CARD9: variants seen among roughly 807,000 people sequenced by gnomAD.
CARD9 encodes the protein caspase recruitment domain family member 9, also known as caspase recruitment domain-containing protein 9.
A neutral mutation model predicts 66.0 loss-of-function variants in CARD9; 53 were observed. That is an observed-to-expected ratio of 0.80 (90% CI 0.64 to 1.01). The LOEUF (loss-of-function observed/expected upper bound fraction) is 1.01. Among genes scored for constraint, CARD9 ranks in the 50% least tolerant of loss-of-function variants. The pLI, the probability that CARD9 is intolerant of heterozygous loss-of-function variation, is 0.00. For synonymous variants in CARD9, 387 were observed against 313.8 expected (o/e 1.23, Z -2.47); for missense variants, 769 against 743.2 (o/e 1.03, Z -0.40).
Position 136,364,133 on chromosome 9 carries a change from C to T in CARD9, c.*169G>A, listed in dbSNP as rs1046275231. ...CGCAAAATGAGTGCCGCTTAACAAA[C>T]GGCCCCAATGCCCGGCAGTCCGGCT... On this transcript the variant is annotated 3_prime_UTR_variant, in exon 13 of 13. Coordinates refer to ENST00000371732, the MANE Select transcript of CARD9 (RefSeq NM_052813.5). 7.7e-6 allele frequency: 12 copies of T among 1,550,542 alleles called. No individual in the cohort carries two copies. The highest frequency in any genetic ancestry group is 9.6e-6 in the Non-Finnish European group (11 of 1,146,874).
intron 7 of CARD9, among the ~76,000 whole-genome samples, chr9:136,369,104 G>A (rs888803826): frequency 6.6e-6 from 1 of 152,166 alleles, no homozygotes; most frequent in African/African-American, 2.4e-5. Context: ...ATAGGCGTGA[G>A]CCACCGCGCC....
chr9:136,364,292 G>A lies in CARD9; in HGVS notation c.*10C>T. On this transcript the variant is annotated 3_prime_UTR_variant, in exon 13 of 13. Coordinates refer to ENST00000371732, the MANE Select transcript of CARD9 (RefSeq NM_052813.5). ...TGGGTGTGCCCTGGTCGGGGCCTGCGCTGCTGCGGCTAGGAGCCCTCAGTG... is the reference window on the plus strand; with the variant it reads ...TGGGTGTGCCCTGGTCGGGGCCTGCACTGCTGCGGCTAGGAGCCCTCAGTG... 1 of 1,553,898 alleles carries A rather than the reference G, an allele frequency of 6.4e-7. No individual in the cohort carries two copies.
rs1222288443 is a variant in CARD9 at position 136,364,007 on chromosome 9, A to T, written c.*295T>A. 1 of 1,289,774 alleles carries T rather than the reference A, an allele frequency of 7.8e-7. No individual in the cohort carries two copies. Among genetic ancestry groups the T allele is most frequent in the Non-Finnish European group, 1.1e-6 (1 of 909,188 alleles). 79.9% of individuals were successfully genotyped at this position (1,289,774 alleles called of 1,614,324 possible). A position where few individuals can be genotyped will look rare whatever the true frequency, so the allele number is the denominator to read the frequency against. On this transcript the variant is annotated 3_prime_UTR_variant, in exon 13 of 13. Transcript: ENST00000371732. ...CGCAGCTGTGTTTTCTAACACTAATACAATGCATGCATGTATTGTGTGTTA... is the reference window on the plus strand; with the variant it reads ...CGCAGCTGTGTTTTCTAACACTAATTCAATGCATGCATGTATTGTGTGTTA...
intron 11 of CARD9, 151 bp downstream of exon 11, chr9:136,364,990 A>C (rs911651703): frequency 1.4e-6 from 1 of 702,194 alleles, no homozygotes; most frequent in Non-Finnish European, 2.4e-6. Context: ...CAGACACCGC[A>C]CCCCGAGCAC....
In CARD9 at chr9:136,364,202, C is replaced by T; in HGVS notation, c.*100G>A. The T allele has an allele frequency of 1.3e-6, 2 of 1,550,524 alleles. No individual in the cohort carries two copies. Among genetic ancestry groups the T allele is most frequent in the South Asian group, 1.2e-5 (1 of 84,070 alleles). ...GATTCCTCGTTCCAGGCCAAGTCAG[C>T]GACGGCTCGGGGAAGTCTGCGCCCC... On this transcript the variant is annotated 3_prime_UTR_variant, in exon 13 of 13. Coordinates refer to ENST00000371732, the MANE Select transcript of CARD9 (RefSeq NM_052813.5).
At chr9:136,367,935 G>A (rs758169075) in intron 7 of CARD9, 107 bp from the exon 8 acceptor site, 58 of 1,455,682 alleles carry the variant, frequency 4.0e-5, no homozygotes, top group Non-Finnish European at 4.6e-5. Flanking sequence ...ACGTCAAGCC[G>A]CTGGGCGCGG....
Position 136,364,085 on chromosome 9 carries a change from G to T in CARD9, c.*217C>A, listed in dbSNP as rs1833051014. 2 of 1,550,226 alleles carry T rather than the reference G, an allele frequency of 1.3e-6. No individual in the cohort carries two copies. The highest frequency in any genetic ancestry group is 2.4e-5 in the East Asian group (1 of 41,058). On this transcript the variant is annotated 3_prime_UTR_variant, in exon 13 of 13. Transcript: ENST00000371732. ...TTACACAGATGGCGTGTGCATGGGG[G>T]TGGTGAGCACCCGCATGGCCTCCGC...
chr9:136,369,931 T>G (rs1346883749), intron 6 of CARD9, 56 bp from the exon 7 acceptor site: 2 of 1,603,582 alleles, frequency 1.2e-6, no homozygotes, highest in Non-Finnish European at 1.7e-6. Context: ...TTCTGGCCCT[T>G]GGGGTATACT....
At position 136,370,423 on chromosome 9, in the gene CARD9, G is replaced by A. The variant is rs1433023025; in HGVS notation, c.822C>T (p.Asp274=). ...LEASVQEGKL[D]RSSPYIQVLE... is the part of the protein sequence containing the mutation. ...GTACCTGGATGTAGGGGCTGCTCCT[G>A]TCCAGCTTCCCCTCCTGAAGGGGGC... The change falls in exon 6 of 13, where the codon GAC becomes GAT. Residue 274 remains aspartate, a synonymous_variant. Transcript: ENST00000371732. 1.2e-6 allele frequency: 2 copies of A among 1,610,932 alleles called. No homozygotes were observed. Among genetic ancestry groups the A allele is most frequent in the South Asian group, 1.1e-5 (1 of 90,710 alleles).
At chr9:136,366,636 G>T in intron 10 of CARD9, 164 bp downstream of exon 10, 1 of 757,800 alleles carries the variant, frequency 1.3e-6, no homozygotes, top group Non-Finnish European at 2.3e-6. Context: ...TGTTCTCTAG[G>T]TGACCTTGAC....
In CARD9 at chr9:136,373,516, C is replaced by T; in HGVS notation, c.-17+16G>A. Reference sequence around the variant, plus strand: ...ACCTTCCTGGCCACCTTTCAGAAAGCACCAGACCCACCCACCTGAGGGTCT... The same window carrying T: ...ACCTTCCTGGCCACCTTTCAGAAAGTACCAGACCCACCCACCTGAGGGTCT... On this transcript the variant is annotated intron_variant, in intron 1 of 12. Transcript: ENST00000371732. 4 of 985,732 alleles carry T rather than the reference C, an allele frequency of 4.1e-6. No homozygotes were observed. Among genetic ancestry groups the T allele is most frequent in the Non-Finnish European group, 4.8e-6 (4 of 830,082 alleles). 61.1% of individuals were successfully genotyped at this position (985,732 alleles called of 1,614,324 possible).
chr9:136,367,966 A>C (rs907350338), intron 7 of CARD9, 138 bp from the exon 8 acceptor site: 1 of 1,437,202 alleles, frequency 7.0e-7, no homozygotes, highest in Admixed American at 2.7e-5. Context: ...CAGCCCCTCC[A>C]TTTGTGTGCT....
At chr9:136,365,307 G>T (rs1833096956) in intron 10 of CARD9, 90 bp from the exon 11 acceptor site, 1 of 1,278,764 alleles carries the variant, frequency 7.8e-7, no homozygotes. Flanking sequence ...ATTGCAGTGG[G>T]GCTGTCTTCC....
chr9:136,370,269 C>T (rs765767946), intron 6 of CARD9, 25 bp downstream of exon 6: 10 of 1,592,442 alleles, frequency 6.3e-6, no homozygotes, highest in Non-Finnish European at 8.5e-6. Flanking sequence ...CCCCAGGGGC[C>T]ATGTCTCCCC....
At chr9:136,371,860 G>C (rs1488562152) in intron 2 of CARD9, 35 bp downstream of exon 2, 1 of 1,569,500 alleles carries the variant, frequency 6.4e-7, no homozygotes. Flanking sequence ...TCTGTGGTTG[G>C]GTTTGGGGCC....
chr9:136,371,192 C>T (rs749859864), intron 3 of CARD9, 47 bp from the exon 4 acceptor site: 37 of 1,604,824 alleles, frequency 2.3e-5, no homozygotes, highest in African/African-American at 5.4e-5. Flanking sequence ...CCCGGTGGCC[C>T]AGCTCCATCA....
chr9:136,367,174 G>C, intron 9 of CARD9, 42 bp downstream of exon 9: 1 of 1,601,108 alleles, frequency 6.2e-7, no homozygotes, highest in African/African-American at 1.3e-5. Flanking sequence ...AGGACCCCAG[G>C]TGAAGGAAGG....
chr9:136,371,812 G>T, intron 2 of CARD9, 83 bp downstream of exon 2: 1 of 1,537,068 alleles, frequency 6.5e-7, no homozygotes, highest in Non-Finnish European at 8.8e-7. Flanking sequence ...GGGGTTGAGG[G>T]TCAGGGTGGC....
rs1385443630 is a variant in CARD9 at position 136,364,500 on chromosome 9, ACT to A, written c.1492_1493del (p.Ser498PhefsTer2). On this transcript the variant is annotated frameshift_variant, in exon 12 of 13. Transcript: ENST00000371732. LOFTEE classifies it high-confidence loss of function. ...CCGCCTACCTGCGGTAGTTCTCAAA[ACT>A]CTCTTTGAGGCGCCGCCGCTCCTTC... is the stretch of plus-strand genomic sequence containing the variant. The part of the protein sequence containing the change: ...PEKERRRLKE[S>X]FENYRRKRAL... 3.9e-6 allele frequency: 6 copies of A among 1,537,890 alleles called. No homozygotes were observed. Among genetic ancestry groups the A allele is most frequent in the East Asian group, 2.4e-5 (1 of 40,888 alleles).
Sources: allele counts gnomAD v4.1 joint callset (sites outside exome capture counted in the v4.1 genomes callset), GRCh38; gene constraint gnomAD v4.1.1; transcripts MANE v1.5; gene names NCBI Gene and HGNC (gene_info 2026-07-23, HGNC 2026-07-21).